Variants in DSCAM observed in about 807,000 individuals in gnomAD.
The protein encoded by DSCAM is cell adhesion molecule DSCAM.
A neutral mutation model predicts 217.7 loss-of-function variants in DSCAM; 47 were observed. The observed-to-expected ratio is 0.22, with a 90% confidence interval of 0.17 to 0.28. The LOEUF (loss-of-function observed/expected upper bound fraction) is 0.28. Among genes scored for constraint, DSCAM ranks in the 10% least tolerant of loss-of-function variants. DSCAM has a pLI of 1.00. For synonymous variants in DSCAM, 1,056 were observed against 1,015.3 expected (o/e 1.04, Z -0.76); for missense variants, 2,080 against 2,618.3 (o/e 0.79, Z 4.49).
chr21:40,559,895 C>A (rs1841344319), intron 3 of DSCAM, among the ~76,000 whole-genome samples: 1 of 151,182 alleles, frequency 6.6e-6, no homozygotes, highest in Non-Finnish European at 1.5e-5. Context: ...CGAGTTCACG[C>A]CATTCTCCTG....
intron 8 of DSCAM, among the ~76,000 whole-genome samples, chr21:40,318,399 T>C (rs1337330219): frequency 6.6e-6 from 1 of 151,736 alleles, no homozygotes; most frequent in Non-Finnish European, 1.5e-5. Context: ...GACTTAATAA[T>C]GACGACATGG....
chr21:40,291,174 A>C (rs576352748), intron 10 of DSCAM, among the ~76,000 whole-genome samples: 42 of 152,266 alleles, frequency 2.8e-4, no homozygotes, highest in African/African-American at 1.0e-3. Context: ...AGACATTCAG[A>C]ATCCATTTGT....
Position 40,391,980 on chromosome 21 carries a change from G to C in DSCAM, c.509-22735C>G, listed in dbSNP as rs868090558. ...ATGTGAAAAAGAGCATGGAGTTCGG[G>C]CTGTGGGAACCACGCCGGTGAAATA... On this transcript the variant is annotated intron_variant, in intron 3 of 32. Transcript: ENST00000400454. Among the ~76,000 whole-genome samples the C allele has an allele frequency of 2.2e-4, 33 of 152,300 alleles. 1 individual carries two copies. The Middle Eastern group carries it at 0.014, about 63-fold the overall frequency.
At chr21:40,578,999 A>T (rs1225989789) in intron 3 of DSCAM, among the ~76,000 whole-genome samples, 1 of 152,202 alleles carries the variant, frequency 6.6e-6, no homozygotes, top group Non-Finnish European at 1.5e-5. Flanking sequence ...CATGCAAACA[A>T]AACAACAATA....
At chr21:40,608,431 G>A (rs1419804696) in intron 3 of DSCAM, among the ~76,000 whole-genome samples, 1 of 152,186 alleles carries the variant, frequency 6.6e-6, no homozygotes, top group Non-Finnish European at 1.5e-5. Flanking sequence ...AGGTAACATT[G>A]TATATTTTCT....
chr21:40,818,873 T>C (rs1357453949), intron 1 of DSCAM, among the ~76,000 whole-genome samples: 2 of 152,230 alleles, frequency 1.3e-5, no homozygotes, highest in Admixed American at 6.5e-5. Context: ...ACATTGTTAC[T>C]TTAAAATAAC....
rs117371768 is a variant in DSCAM, at chr21:40,208,576, A to G, written c.2357-19338T>C. On this transcript the variant is annotated intron_variant, in intron 11 of 32. Coordinates refer to ENST00000400454, the MANE Select transcript of DSCAM (RefSeq NM_001389.5). ...TTCCCCAAGGATCTTGGAGTGCTGC[A>G]TGCTCTCATATTCTCACATGGTCAG... Among the ~76,000 whole-genome samples, 866 of 152,338 alleles carry G rather than the reference A, an allele frequency of 5.7e-3. 10 individuals are homozygous for G. The highest frequency in any genetic ancestry group is 0.019 in the Admixed American group (298 of 15,300).
intron 32 of DSCAM, among the ~76,000 whole-genome samples, chr21:40,021,863 C>T (rs1300479722): frequency 2.6e-5 from 4 of 152,176 alleles, no homozygotes; most frequent in Non-Finnish European, 5.9e-5. Flanking sequence ...GCTTGTCCCC[C>T]TCCACTAACG....
intron 1 of DSCAM, among the ~76,000 whole-genome samples, chr21:40,720,861 G>A (rs965238756): frequency 6.6e-6 from 1 of 152,194 alleles, no homozygotes. Flanking sequence ...AAAGTGGAAA[G>A]AAGGAAGTTA....
At position 40,846,609 on chromosome 21, in the gene DSCAM, A is replaced by C; in HGVS notation, c.43+10T>G. 1 of 1,258,792 alleles carries C rather than the reference A, an allele frequency of 7.9e-7. No individual in the cohort carries two copies. The highest frequency in any genetic ancestry group is 1.0e-6 in the Non-Finnish European group (1 of 994,586). The allele number at this position is 1,258,792 out of a possible 1,614,324, so 78.0% of individuals were successfully genotyped here. Reference sequence around the variant, plus strand: ...AGGAAACGAAATTCATCACAAACCGAAAGGCTCACCATTCGCGAAGCTCTG... The same window carrying C: ...AGGAAACGAAATTCATCACAAACCGCAAGGCTCACCATTCGCGAAGCTCTG... On this transcript the variant is annotated intron_variant, in intron 1 of 32. Coordinates refer to ENST00000400454, the MANE Select transcript of DSCAM (RefSeq NM_001389.5).
chr21:40,306,016 T>C (rs2074071109), intron 9 of DSCAM, among the ~76,000 whole-genome samples: 1 of 152,060 alleles, frequency 6.6e-6, no homozygotes, highest in South Asian at 2.1e-4. Flanking sequence ...GCATTGAATC[T>C]ATAAATTACC....
intron 26 of DSCAM, among the ~76,000 whole-genome samples, chr21:40,075,967 T>A (rs1180724471): frequency 6.6e-6 from 1 of 152,160 alleles, no homozygotes; most frequent in Non-Finnish European, 1.5e-5. Context: ...AACACAGGCA[T>A]CCACTTTTTA....
chr21:40,257,852 A>G (rs1396324771), intron 11 of DSCAM, among the ~76,000 whole-genome samples: 1 of 152,154 alleles, frequency 6.6e-6, no homozygotes, highest in Non-Finnish European at 1.5e-5. Context: ...GACAACACTC[A>G]TGGTATTATG....
At chr21:40,284,061 G>T (rs1481529952) in intron 10 of DSCAM, among the ~76,000 whole-genome samples, 1 of 152,138 alleles carries the variant, frequency 6.6e-6, no homozygotes, top group African/African-American at 2.4e-5. Context: ...TTTAGGAAGG[G>T]GGGTTTCCTC....
chr21:40,514,649 A>T (rs1223269319), intron 3 of DSCAM, among the ~76,000 whole-genome samples: 4 of 152,112 alleles, frequency 2.6e-5, no homozygotes, highest in Non-Finnish European at 4.4e-5. Context: ...TTTATGAAAG[A>T]TTTTTTTTCT....
intron 18 of DSCAM, among the ~76,000 whole-genome samples, chr21:40,139,577 G>A (rs1601373562): frequency 2.0e-5 from 3 of 152,164 alleles, no homozygotes; most frequent in East Asian, 3.9e-4. Context: ...GGTTGGCCCT[G>A]AGCAGTTTCC....
At chr21:40,709,288 T>C (rs973983853) in intron 1 of DSCAM, among the ~76,000 whole-genome samples, 1 of 152,204 alleles carries the variant, frequency 6.6e-6, no homozygotes, top group Non-Finnish European at 1.5e-5. Context: ...TGAGGGTTAT[T>C]ATGCAATGAA....
chr21:40,813,198 T>C (rs2091853767), intron 1 of DSCAM, among the ~76,000 whole-genome samples: 1 of 152,192 alleles, frequency 6.6e-6, no homozygotes, highest in Admixed American at 6.5e-5. Flanking sequence ...TGAAACACCA[T>C]TTCATTCCAT....
chr21:40,546,464 T>C (rs2076583705), intron 3 of DSCAM, among the ~76,000 whole-genome samples: 1 of 152,186 alleles, frequency 6.6e-6, no homozygotes, highest in South Asian at 2.1e-4. Context: ...CTTTTGACCT[T>C]AGGCAAATCA....
Sources: allele counts gnomAD v4.1 joint callset (sites outside exome capture counted in the v4.1 genomes callset), GRCh38; gene constraint gnomAD v4.1.1; transcripts MANE v1.5; gene names NCBI Gene and HGNC (gene_info 2026-07-23, HGNC 2026-07-21).